Variants in VAC14 observed in about 807,000 individuals in gnomAD.
VAC14 encodes the protein protein VAC14 homolog.
Under a neutral mutation model 85.3 loss-of-function variants are expected in VAC14, and 47 were observed. That is an observed-to-expected ratio of 0.55 (90% CI 0.44 to 0.70). VAC14 has a LOEUF of 0.70. Among genes scored for constraint, VAC14 ranks in the 30% least tolerant of loss-of-function variants. The probability of loss-of-function intolerance (pLI) is 0.00; values close to 1 mark genes in which losing one functional copy is unlikely to be tolerated. For missense variants in VAC14, 861 were observed against 1,004.3 expected (o/e 0.86, Z 1.93); for synonymous variants, 447 against 430.5 (o/e 1.04, Z -0.47).
At chr16:70,736,044 C>G (rs1170219676) in intron 13 of VAC14, among the ~76,000 whole-genome samples, 1 of 152,240 alleles carries the variant, frequency 6.6e-6, no homozygotes, top group Non-Finnish European at 1.5e-5. Context: ...CTGGAGGGCA[C>G]TGGCTTCATG....
chr16:70,792,316 G>T (rs1401274894), intron 1 of VAC14, among the ~76,000 whole-genome samples: 1 of 152,222 alleles, frequency 6.6e-6, no homozygotes, highest in Non-Finnish European at 1.5e-5. Flanking sequence ...GGGAGCCAGA[G>T]GTGGGGGATC....
Position 70,766,704 on chromosome 16 carries a change from G to A in VAC14, c.1161-3679C>T, listed in dbSNP as rs2032843476. 3 of 344,106 alleles carry A rather than the reference G, an allele frequency of 8.7e-6. No homozygotes were observed. In the Admixed American group the frequency reaches 1.2e-4, roughly 14 times the overall value. 21.3% of individuals were successfully genotyped at this position (344,106 alleles called of 1,614,324 possible). The stretch of plus-strand genomic sequence containing the variant: ...GCTTTTCTTCCCTTGCCTGGCTGGA[G>A]GTGGAGGTCATGGGAAGCAGGTGGA... On this transcript the variant is annotated intron_variant, in intron 10 of 18. Transcript: ENST00000261776.
chr16:70,731,756 G>T, intron 13 of VAC14, 129 bp from the exon 14 acceptor site: 1 of 1,015,656 alleles, frequency 9.8e-7, no homozygotes, highest in Non-Finnish European at 1.4e-6. Context: ...ACAAGATGAG[G>T]GAAAATCTCT....
At chr16:70,702,232 C>T (rs1398795723) in intron 14 of VAC14, among the ~76,000 whole-genome samples, 5 of 150,994 alleles carry the variant, frequency 3.3e-5, no homozygotes, top group East Asian at 1.9e-4. Flanking sequence ...TGTCACCCAT[C>T]AGGCCAAGCC....
chr16:70,691,869 C>G, intron 18 of VAC14: 1 of 985,432 alleles, frequency 1.0e-6, no homozygotes, highest in Non-Finnish European at 1.2e-6. Flanking sequence ...TGTCTCAAGG[C>G]TGCCTGTGTC....
At chr16:70,690,106 C>A in intron 18 of VAC14, 1 of 985,574 alleles carries the variant, frequency 1.0e-6, no homozygotes, top group Non-Finnish European at 1.2e-6. Context: ...ATGGCAAACC[C>A]GGGAAGATGG....
At chr16:70,728,440 C>T (rs1037564307) in intron 14 of VAC14, among the ~76,000 whole-genome samples, 1 of 152,194 alleles carries the variant, frequency 6.6e-6, no homozygotes, top group Non-Finnish European at 1.5e-5. Flanking sequence ...GTTACTTCCT[C>T]TTATTTTCCC....
At chr16:70,785,980 G>A (rs1299116127) in intron 2 of VAC14, 111 bp from the exon 3 acceptor site, 6 of 1,367,970 alleles carry the variant, frequency 4.4e-6, no homozygotes, top group African/African-American at 1.5e-5. Flanking sequence ...AGGCCTTTGT[G>A]TGAGGGCTGG....
chr16:70,704,526 G>A (rs1265664365), intron 14 of VAC14, among the ~76,000 whole-genome samples: 2 of 152,246 alleles, frequency 1.3e-5, no homozygotes, highest in Non-Finnish European at 2.9e-5. Flanking sequence ...CAGCAGAAGA[G>A]GGGCTGTGCA....
At chr16:70,777,464 G>A (rs1388986331) in intron 9 of VAC14, among the ~76,000 whole-genome samples, 1 of 152,220 alleles carries the variant, frequency 6.6e-6, no homozygotes, top group Non-Finnish European at 1.5e-5. Flanking sequence ...CTCATAGGCA[G>A]GTTGTTCAGA....
chr16:70,707,704 G>C (rs1398776305), intron 14 of VAC14, among the ~76,000 whole-genome samples: 1 of 152,174 alleles, frequency 6.6e-6, no homozygotes, highest in African/African-American at 2.4e-5. Context: ...CCAGGGTGGA[G>C]TCAGATGACC....
chr16:70,793,462 T>C (rs910142910), intron 1 of VAC14, among the ~76,000 whole-genome samples: 1 of 152,194 alleles, frequency 6.6e-6, no homozygotes, highest in Non-Finnish European at 1.5e-5. Context: ...AGATGATGGA[T>C]CTAAAAATCA....
intron 10 of VAC14, among the ~76,000 whole-genome samples, chr16:70,764,575 G>C (rs560323326): frequency 6.6e-6 from 1 of 152,322 alleles, no homozygotes; most frequent in South Asian, 2.1e-4. Context: ...ACATCTTCCA[G>C]TTTTCAATTA....
At chr16:70,722,953 T>C (rs941198887) in intron 14 of VAC14, among the ~76,000 whole-genome samples, 2 of 152,104 alleles carry the variant, frequency 1.3e-5, no homozygotes, top group African/African-American at 4.8e-5. Flanking sequence ...AGGTGGCTCA[T>C]GACTGTAATC....
intron 1 of VAC14, among the ~76,000 whole-genome samples, chr16:70,794,257 CA>C (rs1390669966): frequency 6.6e-6 from 1 of 152,170 alleles, no homozygotes; most frequent in African/African-American, 2.4e-5. Flanking sequence ...TTACCATCCC[CA>C]AAAGAAACCC....
chr16:70,708,080 G>A (rs1338629809), intron 14 of VAC14, among the ~76,000 whole-genome samples: 3 of 152,148 alleles, frequency 2.0e-5, no homozygotes, highest in African/African-American at 7.2e-5. Flanking sequence ...GTGAGCCACC[G>A]CACCTGCCTT....
At chr16:70,745,516 TGTGCGC>T (rs1459865320) in intron 12 of VAC14, among the ~76,000 whole-genome samples, 2,060 of 141,860 alleles carry the variant, frequency 0.015, 48 homozygotes, top group African/African-American at 0.059. Context: ...TGTGTGTGTG[TGTGCGC>T]GTGTGCGCGC....
At position 70,762,791 on chromosome 16, in the gene VAC14, A is replaced by G. The variant is rs1026933657; in HGVS notation, c.1305+90T>C. The G allele has an allele frequency of 3.1e-6, 5 of 1,591,030 alleles. No individual in the cohort carries two copies. The highest frequency in any genetic ancestry group is 2.7e-5 in the African/African-American group (2 of 74,398). ...CGGCCAGGGTTTCCCTAGAAGGGCA[A>G]TGACCAAAATGCTACCAACTATGGG... On this transcript the variant is annotated intron_variant, in intron 11 of 18. Coordinates refer to ENST00000261776, the MANE Select transcript of VAC14 (RefSeq NM_018052.5). This position sits in a 1 kb window ranked among gnomAD's most constrained non-coding sequence, Gnocchi z 4.1.
intron 4 of VAC14, 147 bp downstream of exon 4, chr16:70,784,629 C>T (rs2033963968): frequency 4.9e-6 from 4 of 812,090 alleles, no homozygotes; most frequent in Non-Finnish European, 8.2e-6. Context: ...ATATTCTTGT[C>T]ATAGAACTGC....
Sources: gnomAD v4.1 joint callset for allele counts (sites outside exome capture counted in the v4.1 genomes callset) on GRCh38, gnomAD v4.1.1 for gene constraint, Gnocchi (gnomAD v3.1) non-coding constraint, MANE v1.5 for transcripts, NCBI Gene and HGNC (gene_info 2026-07-23, HGNC 2026-07-21) for gene names.